Variants in KCNAB1 observed in about 807,000 individuals in gnomAD.
The protein encoded by KCNAB1 is voltage-gated potassium channel subunit beta-1.
KCNAB1 carries 35 observed loss-of-function variants against 64.6 expected under a neutral mutation model. The ratio of observed to expected loss-of-function variants is 0.54; its 90% CI spans 0.41 to 0.72. The LOEUF is 0.72. Among genes scored for constraint, KCNAB1 ranks in the 30% least tolerant of loss-of-function variants. KCNAB1 has a pLI of 0.00. For synonymous variants in KCNAB1, 177 were observed against 183.8 expected (o/e 0.96, Z 0.30); for missense variants, 401 against 512.9 (o/e 0.78, Z 2.11).
At chr3:156,478,458 C>T (rs531653014) in intron 8 of KCNAB1, among the ~76,000 whole-genome samples, 235 of 152,102 alleles carry the variant, frequency 1.5e-3, no homozygotes, top group Admixed American at 4.4e-3. Flanking sequence ...ACACAGGGGA[C>T]GTAGCACTTT....
chr3:156,421,041 AAGAT>A (rs1374178904), intron 1 of KCNAB1, among the ~76,000 whole-genome samples: 1 of 150,404 alleles, frequency 6.6e-6, no homozygotes, highest in East Asian at 1.9e-4. Context: ...AATAACCTAA[AAGAT>A]AGTTTTATAT....
intron 8 of KCNAB1, among the ~76,000 whole-genome samples, chr3:156,509,079 A>C (rs12485798): frequency 6.6e-6 from 1 of 150,980 alleles, no homozygotes; most frequent in Non-Finnish European, 1.5e-5. Context: ...AGTGGGGCGG[A>C]GGGGAAAGAG....
intron 8 of KCNAB1, among the ~76,000 whole-genome samples, chr3:156,500,591 G>A (rs1395842193): frequency 1.3e-5 from 2 of 151,730 alleles, no homozygotes; most frequent in East Asian, 1.9e-4. Context: ...TTAAATGAAG[G>A]GTAACAACAA....
In KCNAB1 at chr3:156,534,337, G is replaced by C. The variant is rs1251944013; in HGVS notation, c.1171-2321G>C. 2.0e-5 allele frequency among the ~76,000 whole-genome samples: 3 copies of C among 152,264 alleles called. No homozygotes were observed. In the East Asian group the frequency reaches 5.8e-4, roughly 29 times the overall value. On this transcript the variant is annotated intron_variant, in intron 13 of 13. Coordinates refer to ENST00000490337, the MANE Select transcript of KCNAB1 (RefSeq NM_172160.3). Reference sequence around the variant, plus strand: ...AAGGGGCGTATATAAATCAGAGCCTGACAGATGGGAGAGACAGGAGGAGAA... The same window carrying C: ...AAGGGGCGTATATAAATCAGAGCCTCACAGATGGGAGAGACAGGAGGAGAA...
At chr3:156,164,752 T>C (rs1716270785) in intron 1 of KCNAB1, among the ~76,000 whole-genome samples, 1 of 152,216 alleles carries the variant, frequency 6.6e-6, no homozygotes, top group Non-Finnish European at 1.5e-5. Flanking sequence ...TTTTACAATA[T>C]GTTTCTCATT....
At chr3:156,343,247 A>AAATACAGTT (rs1310682279) in intron 1 of KCNAB1, among the ~76,000 whole-genome samples, 1 of 152,176 alleles carries the variant, frequency 6.6e-6, no homozygotes, top group Admixed American at 6.5e-5. Context: ...GTTCTTGCTG[A>AAATACAGTT]AATACAGTTT....
chr3:156,371,184 C>T (rs909276977), intron 1 of KCNAB1, among the ~76,000 whole-genome samples: 17 of 152,194 alleles, frequency 1.1e-4, no homozygotes, highest in African/African-American at 4.1e-4. Flanking sequence ...CTTTCCCCTA[C>T]ACCCACCATC....
chr3:156,132,449 G>A (rs990623797), intron 1 of KCNAB1, among the ~76,000 whole-genome samples: 32 of 152,192 alleles, frequency 2.1e-4, no homozygotes, highest in Non-Finnish European at 5.9e-5. Flanking sequence ...TCATTGCCTT[G>A]AGACTCACTT....
At chr3:156,275,576 ACT>A (rs2108497177) in intron 1 of KCNAB1, among the ~76,000 whole-genome samples, 1 of 152,224 alleles carries the variant, frequency 6.6e-6, no homozygotes, top group South Asian at 2.1e-4. Context: ...ATCCTCTCAA[ACT>A]CTGCCACTGC....
chr3:156,493,346 A>G (rs1455643272), intron 8 of KCNAB1, among the ~76,000 whole-genome samples: 4 of 152,160 alleles, frequency 2.6e-5, no homozygotes, highest in African/African-American at 7.2e-5. Flanking sequence ...ATTTTACAGC[A>G]TCCTTTTTCT....
chr3:156,276,538 A>T (rs1719357422), intron 1 of KCNAB1, among the ~76,000 whole-genome samples: 2 of 152,206 alleles, frequency 1.3e-5, no homozygotes, highest in South Asian at 4.1e-4. Context: ...TTTTGTCTAC[A>T]TTGAAAACAT....
chr3:156,477,310 G>A lies in KCNAB1; in HGVS notation c.658+2490G>A, dbSNP rs78204525. ...TTTCTTATATACAATTCCACAAAGC[G>A]GAATGGGAAGCTATTTTATCCTGAG... On this transcript the variant is annotated intron_variant, in intron 8 of 13. Coordinates refer to ENST00000490337, the MANE Select transcript of KCNAB1 (RefSeq NM_172160.3). Among the ~76,000 whole-genome samples, 974 of 152,220 alleles carry A rather than the reference G, an allele frequency of 6.4e-3. 2 individuals carry two copies. Among genetic ancestry groups the A allele is most frequent in the Admixed American group, 0.012 (178 of 15,284 alleles).
chr3:156,333,333 CACACACACAT>C (rs374547344), intron 1 of KCNAB1, among the ~76,000 whole-genome samples: 3,018 of 146,746 alleles, frequency 0.021, 38 homozygotes, highest in South Asian at 0.031. Context: ...CACACACACA[CACACACACAT>C]ACACACACAC....
rs747038 is a variant in KCNAB1 at position 156,427,819 on chromosome 3, T to A, written c.319+6160T>A. On this transcript the variant is annotated intron_variant, in intron 2 of 13. Transcript: ENST00000490337. The stretch of plus-strand genomic sequence containing the variant: ...TAGGCTGGGTTTAGACCCAGAGCTG[T>A]TTCATCAGGGCTCTTGCTTCTACAG... 1.5e-3 allele frequency among the ~76,000 whole-genome samples: 234 copies of A among 152,270 alleles called. 1 individual carries two copies. In the Middle Eastern group the frequency reaches 0.02, roughly 13 times the overall value.
chr3:156,294,374 G>A (rs1008154695), intron 1 of KCNAB1, among the ~76,000 whole-genome samples: 1 of 152,052 alleles, frequency 6.6e-6, no homozygotes, highest in African/African-American at 2.4e-5. Flanking sequence ...AGATTTGCCT[G>A]TGTGTGTGTG....
intron 1 of KCNAB1, among the ~76,000 whole-genome samples, chr3:156,346,113 C>G (rs1724466173): frequency 6.6e-6 from 1 of 150,848 alleles, no homozygotes; most frequent in Non-Finnish European, 1.5e-5. Flanking sequence ...TTTTTTGGAA[C>G]TACTCCAAAA....
chr3:156,151,089 A>G (rs1715375636), intron 1 of KCNAB1, among the ~76,000 whole-genome samples: 1 of 152,130 alleles, frequency 6.6e-6, no homozygotes, highest in Non-Finnish European at 1.5e-5. Flanking sequence ...GCACCTTGTT[A>G]CACAGTTAAG....
intron 1 of KCNAB1, among the ~76,000 whole-genome samples, chr3:156,399,287 G>A (rs926137826): frequency 7.2e-5 from 11 of 152,206 alleles, no homozygotes; most frequent in Non-Finnish European, 1.0e-4. Context: ...TGTGGAAAAC[G>A]TTCTTTCTAG....
At chr3:156,211,357 G>T (rs1181956699) in intron 1 of KCNAB1, among the ~76,000 whole-genome samples, 3 of 152,156 alleles carry the variant, frequency 2.0e-5, no homozygotes, top group Non-Finnish European at 4.4e-5. Flanking sequence ...ATCTGCAATG[G>T]TTAATATTTG....
Sources: gnomAD v4.1 joint callset for allele counts (sites outside exome capture counted in the v4.1 genomes callset) on GRCh38, gnomAD v4.1.1 for gene constraint, MANE v1.5 for transcripts, NCBI Gene and HGNC (gene_info 2026-07-23, HGNC 2026-07-21) for gene names.